Variants in XIRP2 observed in about 807,000 individuals in gnomAD.
XIRP2 encodes xin actin-binding repeat-containing protein 2.
In XIRP2, 236 loss-of-function variants were observed where a neutral mutation model predicts 277.0. The ratio of observed to expected loss-of-function variants is 0.85; its 90% CI spans 0.77 to 0.95. The LOEUF (loss-of-function observed/expected upper bound fraction) is 0.95, where lower values mean the gene tolerates loss of function less well. XIRP2 is among the 40% of genes least tolerant of loss of function. The pLI is 0.00. For synonymous variants in XIRP2, 1,490 were observed against 1,416.5 expected, an observed-to-expected ratio of 1.05 and a Z score of -1.17; for missense variants, 4,640 against 4,157.5, an observed-to-expected ratio of 1.12 and a Z score of -3.19.
intron 2 of XIRP2, among the ~76,000 whole-genome samples, chr2:167,092,641 A>C (rs1690180158): frequency 6.6e-6 from 1 of 152,130 alleles, no homozygotes; most frequent in South Asian, 2.1e-4. Flanking sequence ...GATTCTTGCT[A>C]ATCATTTTTT....
At chr2:167,174,191 A>G (rs1303284363) in intron 3 of XIRP2, among the ~76,000 whole-genome samples, 1 of 152,130 alleles carries the variant, frequency 6.6e-6, no homozygotes, top group Admixed American at 6.5e-5. Context: ...AAGGAATGGT[A>G]CCAACTCCTG....
At chr2:166,895,007 G>C (rs956193071) in intron 1 of XIRP2, among the ~76,000 whole-genome samples, 2 of 152,016 alleles carry the variant, frequency 1.3e-5, no homozygotes, top group African/African-American at 4.8e-5. Context: ...TTACGCAGAG[G>C]GACAGCCTTT....
chr2:167,248,235 T>A lies in XIRP2; in HGVS notation c.6843T>A (p.Asn2281Lys), dbSNP rs201898853. The change falls in exon 9 of 11, where the codon AAT becomes AAA. Residue 2281 changes from asparagine (N) to lysine (K), a missense_variant. Coordinates refer to ENST00000409195, the MANE Select transcript of XIRP2 (RefSeq NM_152381.6). Reference protein sequence around the residue: ...LNPINFNPENNVKESECPLPP... With the variant: ...LNPINFNPENKVKESECPLPP... ...CAATCAACTTTAACCCTGAGAATAATGTAAAAGAAAGTGAGTGCCCCCTTC... is the reference window on the plus strand; with the variant it reads ...CAATCAACTTTAACCCTGAGAATAAAGTAAAAGAAAGTGAGTGCCCCCTTC... 6.7e-5 allele frequency: 108 copies of A among 1,613,616 alleles called. 1 individual carries two copies. In the African/African-American group the frequency reaches 1.3e-3, roughly 19 times the overall value.
At chr2:167,076,570 A>G (rs1237636226) in intron 2 of XIRP2, among the ~76,000 whole-genome samples, 1 of 152,222 alleles carries the variant, frequency 6.6e-6, no homozygotes, top group Non-Finnish European at 1.5e-5. Context: ...AAGGAGGTCC[A>G]TATATTCTTC....
intron 2 of XIRP2, among the ~76,000 whole-genome samples, chr2:166,948,846 A>G (rs983588563): frequency 6.6e-6 from 1 of 152,110 alleles, no homozygotes; most frequent in African/African-American, 2.4e-5. Context: ...AACATTTGAA[A>G]AACACGGTTT....
chr2:166,987,274 G>A (rs1687031593), intron 2 of XIRP2, among the ~76,000 whole-genome samples: 1 of 152,106 alleles, frequency 6.6e-6, no homozygotes, highest in South Asian at 2.1e-4. Context: ...GCCTACATAA[G>A]GGCTGGGACT....
At chr2:167,225,430 A>G (rs1322031536) in intron 5 of XIRP2, among the ~76,000 whole-genome samples, 2 of 152,102 alleles carry the variant, frequency 1.3e-5, no homozygotes, top group Non-Finnish European at 2.9e-5. Flanking sequence ...ACCTTGTAAC[A>G]TTTTCTGGTT....
chr2:166,893,711 G>A (rs1684168427), intron 1 of XIRP2, among the ~76,000 whole-genome samples: 1 of 152,100 alleles, frequency 6.6e-6, no homozygotes, highest in Non-Finnish European at 1.5e-5. Context: ...GATCAAAAGT[G>A]TCAGTGCCAT....
intron 5 of XIRP2, among the ~76,000 whole-genome samples, chr2:167,219,664 A>G (rs1454825780): frequency 6.6e-6 from 1 of 152,172 alleles, no homozygotes; most frequent in Non-Finnish European, 1.5e-5. Context: ...AAAATTCTCA[A>G]CAACTTTTGA....
chr2:167,071,351 CA>C (rs34155279), intron 2 of XIRP2, among the ~76,000 whole-genome samples: 46,283 of 151,786 alleles, frequency 0.3, 9,767 homozygotes, highest in African/African-American at 0.6. Flanking sequence ...ACATCTACAC[CA>C]AAAAAATGCG....
intron 2 of XIRP2, among the ~76,000 whole-genome samples, chr2:166,967,873 T>C (rs1686471701): frequency 2.0e-5 from 3 of 151,980 alleles, no homozygotes. Flanking sequence ...CATCTTATAA[T>C]TCCACTCTAC....
At chr2:166,903,316 AG>A in intron 1 of XIRP2, 148 bp from the exon 2 acceptor site, 1 of 704,954 alleles carries the variant, frequency 1.4e-6, no homozygotes, top group Non-Finnish European at 2.3e-6. Context: ...TGAAGTGAAG[AG>A]CCAGAAATTG....
At chr2:166,911,608 A>C (rs537112480) in intron 2 of XIRP2, among the ~76,000 whole-genome samples, 18 of 147,640 alleles carry the variant, frequency 1.2e-4, no homozygotes, top group African/African-American at 2.4e-4. Flanking sequence ...AGCCCATTTC[A>C]ATTTAAGGTT....
chr2:167,230,125 A>G (rs1694710636), intron 5 of XIRP2, among the ~76,000 whole-genome samples: 2 of 152,122 alleles, frequency 1.3e-5, no homozygotes, highest in Admixed American at 1.3e-4. Flanking sequence ...AGTGCCCTCT[A>G]GGGATATTGG....
chr2:167,177,178 A>T (rs757008151), intron 3 of XIRP2, among the ~76,000 whole-genome samples: 27 of 152,178 alleles, frequency 1.8e-4, no homozygotes, highest in Non-Finnish European at 3.8e-4. Flanking sequence ...ATCTACATCT[A>T]TGGTAGCTTC....
At chr2:167,195,140 T>C (rs114425975) in intron 3 of XIRP2, among the ~76,000 whole-genome samples, 5,936 of 152,224 alleles carry the variant, frequency 0.039, 127 homozygotes, top group Non-Finnish European at 0.051. Flanking sequence ...CAGCTCAAAT[T>C]AAATTACTCT....
chr2:166,904,293 A>G (rs945821260), intron 2 of XIRP2, among the ~76,000 whole-genome samples: 1 of 152,166 alleles, frequency 6.6e-6, no homozygotes, highest in African/African-American at 2.4e-5. Context: ...CTGACATGGA[A>G]TAAATGAAGG....
At position 167,115,752 on chromosome 2, in the gene XIRP2, A is replaced by T. The variant is rs1472939868; in HGVS notation, c.409-20157A>T. Among the ~76,000 whole-genome samples the T allele has an allele frequency of 1.3e-5, 2 of 152,104 alleles. 1 individual carries two copies. Among genetic ancestry groups the T allele is most frequent in the Non-Finnish European group, 2.9e-5 (2 of 68,024 alleles). ...TCCTTGCCAGGTTGGCCCTAATCTG[A>T]TTTCCATGTGCTTCCTGGGGAAACA... On this transcript the variant is annotated intron_variant, in intron 2 of 10. Coordinates refer to ENST00000409195, the MANE Select transcript of XIRP2 (RefSeq NM_152381.6).
chr2:167,088,504 A>T (rs899591885), intron 2 of XIRP2, among the ~76,000 whole-genome samples: 2 of 152,146 alleles, frequency 1.3e-5, no homozygotes, highest in Non-Finnish European at 1.5e-5. Flanking sequence ...AGCCAGGATG[A>T]TCTTTCAAAA....
Sources: allele counts gnomAD v4.1 joint callset (sites outside exome capture counted in the v4.1 genomes callset), GRCh38; gene constraint gnomAD v4.1.1; transcripts MANE v1.5; gene names NCBI Gene and HGNC (gene_info 2026-07-23, HGNC 2026-07-21).